RSC1A1: variants seen among roughly 807,000 people sequenced by gnomAD.
RSC1A1 encodes the protein regulatory solute carrier protein family 1 member 1.
A neutral mutation model predicts 7.7 loss-of-function variants in RSC1A1; 6 were observed. The observed-to-expected ratio is 0.78, with a 90% CI of 0.43 to 1.53. The LOEUF is 1.53. Among genes scored for constraint, RSC1A1 ranks in the 40% most tolerant of loss-of-function variants. RSC1A1 has a pLI of 0.01. For missense variants in RSC1A1, 729 were observed against 726.3 expected, an observed-to-expected ratio of 1.00 and a Z score of -0.04; for synonymous variants, 250 against 263.0, an observed-to-expected ratio of 0.95 and a Z score of 0.48.
In RSC1A1 at chr1:15,661,432, A is replaced by G. The variant is rs1006909572; in HGVS notation, c.1564A>G (p.Lys522Glu). ...KSLSSNFILVKDLGQGIQNSV... is the reference protein window; with the variant it reads ...KSLSSNFILVEDLGQGIQNSV... ...TTTGTCATCCAATTTCATATTGGTT[A>G]AAGACTTAGGTCAGGGCATACAGAA... Residue 522 changes from lysine to glutamate, a missense_variant, in exon 1 of 1, where the codon AAA becomes GAA. Lys to Glu is a moderately conservative substitution (Grantham distance 56). Transcript: ENST00000345034. 3 of 1,614,066 alleles carry G rather than the reference A, an allele frequency of 1.9e-6. No homozygotes were observed. The highest frequency in any genetic ancestry group is 2.7e-5 in the African/African-American group (2 of 74,946).
the RSC1A1 span, chr1:15,660,689 ACATTGGTG>A: frequency 6.2e-7 from 1 of 1,614,220 alleles, no homozygotes; most frequent in Non-Finnish European, 8.5e-7. Context: ...AATGTCAAGA[ACATTGGTG>A]CATTGGATCT....
chr1:15,661,466 C>T lies in RSC1A1; in HGVS notation c.1598C>T (p.Thr533Ile). 6.2e-7 allele frequency: 1 copy of T among 1,613,794 alleles called. No homozygotes were observed. Among genetic ancestry groups the T allele is most frequent in the Non-Finnish European group, 8.5e-7 (1 of 1,179,770 alleles). The change falls in exon 1 of 1, where the codon ACA becomes ATA. Residue 533 changes from threonine (T) to isoleucine (I), a missense_variant. Physicochemically the swap from Thr to Ile is moderately conservative, Grantham distance 89. Coordinates refer to ENST00000345034, the MANE Select transcript of RSC1A1 (RefSeq NM_006511.3). ...DLGQGIQNSV[T>I]DRPETRENVC... ...GGTCAGGGCATACAGAATTCAGTAA[C>T]AGACAGGCCTGAAACCAGAGAAAAT...
At position 15,662,016 on chromosome 1, in the gene RSC1A1, A is replaced by T. The variant is rs758975714; in HGVS notation, c.*294A>T. 10 of 269,340 alleles carry T rather than the reference A, an allele frequency of 3.7e-5. No individual in the cohort carries two copies. Among genetic ancestry groups the T allele is most frequent in the Middle Eastern group, 2.3e-3 (2 of 852 alleles). The allele number at this position is 269,340 out of a possible 1,614,324, so 16.7% of individuals were successfully genotyped here. ...TAAGATGTATCCTGGAATAAAATGG[A>T]TGGTTTTGTGTGTAGCATACTGTTT... is the stretch of plus-strand genomic sequence containing the variant. On this transcript the variant is annotated 3_prime_UTR_variant, in exon 1 of 1. Transcript: ENST00000345034.
rs1640368744 is a variant in RSC1A1, at chr1:15,661,203, C to A, written c.1335C>A (p.Asn445Lys). 1 of 1,614,158 alleles carries A rather than the reference C, an allele frequency of 6.2e-7. No homozygotes were observed. Among genetic ancestry groups the A allele is most frequent in the Non-Finnish European group, 8.5e-7 (1 of 1,180,024 alleles). Residue 445 changes from asparagine to lysine, a missense_variant, in exon 1 of 1, where the codon AAC becomes AAA. Physicochemically the swap from Asn to Lys is moderately conservative, Grantham distance 94. Transcript: ENST00000345034. ...GAAGAGAAGCTGTAGAAAATGTAAA[C>A]TTCAGGAGTCTAGGTGATGGCCTGT... Reference protein sequence around the residue: ...DTGREAVENVNFRSLGDGLST... With the variant: ...DTGREAVENVKFRSLGDGLST...
In RSC1A1 at chr1:15,660,163, A is replaced by G; in HGVS notation, c.295A>G (p.Asn99Asp). Reference protein sequence around the residue: ...TDQSPAMPMQNSSEEITVAGN... With the variant: ...TDQSPAMPMQDSSEEITVAGN... Reference sequence around the variant, plus strand: ...CCAGAGTCCAGCTATGCCTATGCAGAATTCATCCGAAGAAATAACTGTTGC... The same window carrying G: ...CCAGAGTCCAGCTATGCCTATGCAGGATTCATCCGAAGAAATAACTGTTGC... The change falls in exon 1 of 1, where the codon AAT becomes GAT. Residue 99 changes from asparagine to aspartate, a missense_variant. Physicochemically the swap from Asn to Asp is conservative, Grantham distance 23. Transcript: ENST00000345034. 6.2e-7 allele frequency: 1 copy of G among 1,614,246 alleles called. No individual in the cohort carries two copies. Among genetic ancestry groups the G allele is most frequent in the Non-Finnish European group, 8.5e-7 (1 of 1,180,042 alleles).
At chr1:15,661,460 C>A in the RSC1A1 span, 1 of 1,613,888 alleles carries the variant, frequency 6.2e-7, no homozygotes, top group Non-Finnish European at 8.5e-7. Context: ...ATACAGAATT[C>A]AGTAACAGAC....
In RSC1A1 at chr1:15,660,734, T is replaced by G; in HGVS notation, c.866T>G (p.Val289Gly). Residue 289 changes from valine (V) to glycine (G), a missense_variant, in exon 1 of 1, where the codon GTA (valine) becomes GGA (glycine). Transcript: ENST00000345034. The part of the protein sequence containing the change: ...DLTLDNPLME[V>G]ETSKCNPSSE... ...ACTTTAGATAATCCCTTGATGGAAG[T>G]AGAAACATCAAAATGTAACCCTTCA... 1 of 1,613,882 alleles carries G rather than the reference T, an allele frequency of 6.2e-7. No individual in the cohort carries two copies. The highest frequency in any genetic ancestry group is 8.5e-7 in the Non-Finnish European group (1 of 1,179,962).
the RSC1A1 span, chr1:15,660,199 G>T: frequency 6.2e-7 from 1 of 1,614,180 alleles, no homozygotes; most frequent in South Asian, 1.1e-5. Context: ...AGGTAATCTG[G>T]AGAAATCTGC....
the RSC1A1 span, chr1:15,660,753 CCCTT>C: frequency 4.5e-5 from 72 of 1,613,616 alleles, no homozygotes; most frequent in South Asian, 7.9e-4. Flanking sequence ...CAAAATGTAA[CCCTT>C]CATCTGAAAT....
chr1:15,661,586 C>A lies in RSC1A1; in HGVS notation c.1718C>A (p.Pro573His). 2 of 1,614,192 alleles carry A rather than the reference C, an allele frequency of 1.2e-6. No homozygotes were observed. Among genetic ancestry groups the A allele is most frequent in the African/African-American group, 2.7e-5 (2 of 75,032 alleles). Residue 573 changes from proline to histidine, a missense_variant, in exon 1 of 1, where the codon CCT becomes CAT. Coordinates refer to ENST00000345034, the MANE Select transcript of RSC1A1 (RefSeq NM_006511.3). ...SPAILPPLIF[P>H]ATDIDRILRA... ...GCCATTCTTCCACCATTGATTTTTCCTGCCACAGATATTGACCGCATTCTC... is the reference window on the plus strand; with the variant it reads ...GCCATTCTTCCACCATTGATTTTTCATGCCACAGATATTGACCGCATTCTC...
chr1:15,660,929 C>T lies in RSC1A1; in HGVS notation c.1061C>T (p.Ala354Val). ...SAEESCPSIT[A>V]ALKELHELLV... ...GAAGAATCTTGCCCGTCTATAACGG[C>T]AGCCTTGAAAGAACTTCATGAACTT... The change falls in exon 1 of 1, where the codon GCA becomes GTA. Residue 354 changes from alanine (A) to valine (V), a missense_variant. By Grantham distance (64) the Ala-to-Val change is moderately conservative. Transcript: ENST00000345034. 1 of 1,613,302 alleles carries T rather than the reference C, an allele frequency of 6.2e-7. No homozygotes were observed.
In RSC1A1 at chr1:15,660,939, A is replaced by G. The variant is rs1557626065; in HGVS notation, c.1071A>G (p.Lys357=). Residue 357 remains lysine (K), a synonymous_variant, in exon 1 of 1, where the codon AAA becomes AAG. Coordinates refer to ENST00000345034, the MANE Select transcript of RSC1A1 (RefSeq NM_006511.3). ...ESCPSITAAL[K]ELHELLVVSS... Reference sequence around the variant, plus strand: ...GCCCGTCTATAACGGCAGCCTTGAAAGAACTTCATGAACTTTTGGTTGTTA... The same window carrying G: ...GCCCGTCTATAACGGCAGCCTTGAAGGAACTTCATGAACTTTTGGTTGTTA... 6 of 1,613,340 alleles carry G rather than the reference A, an allele frequency of 3.7e-6. No homozygotes were observed. Among genetic ancestry groups the G allele is most frequent in the Non-Finnish European group, 4.2e-6 (5 of 1,179,690 alleles).
rs374494090 is a variant in RSC1A1, at chr1:15,660,598, A to T, written c.730A>T (p.Asn244Tyr). The change falls in exon 1 of 1, where the codon AAT (asparagine) becomes TAT (tyrosine). Residue 244 changes from asparagine to tyrosine, a missense_variant. Asn to Tyr is a moderately radical substitution (Grantham distance 143). Transcript: ENST00000345034. The stretch of plus-strand genomic sequence containing the variant: ...ATCTTCAGAATGCAGTGGCTGCTCA[A>T]ATTCAGAAACATTTATGGAAATCGA... ...IPSSECSGCS[N>Y]SETFMEIDTA... 1 of 1,613,984 alleles carries T rather than the reference A, an allele frequency of 6.2e-7. No individual in the cohort carries two copies. Among genetic ancestry groups the T allele is most frequent in the South Asian group, 1.1e-5 (1 of 90,978 alleles).
chr1:15,660,016 C>T lies in RSC1A1; in HGVS notation c.148C>T (p.Pro50Ser). 1 of 1,614,190 alleles carries T rather than the reference C, an allele frequency of 6.2e-7. No individual in the cohort carries two copies. Among genetic ancestry groups the T allele is most frequent in the East Asian group, 2.2e-5 (1 of 44,884 alleles). Residue 50 changes from proline to serine, a missense_variant, in exon 1 of 1, where the codon CCT (proline) becomes TCT (serine). Physicochemically the swap from Pro to Ser is moderately conservative, Grantham distance 74 (BLOSUM62 -1). Transcript: ENST00000345034. ...IKPSDSDRIE[P>S]KAVKALKASA... Reference sequence around the variant, plus strand: ...GCCCAGTGACTCAGATCGCATTGAACCTAAAGCTGTGAAGGCTTTGAAGGC... The same window carrying T: ...GCCCAGTGACTCAGATCGCATTGAATCTAAAGCTGTGAAGGCTTTGAAGGC...
rs750914295 is a variant in RSC1A1, at chr1:15,659,964, T to C, written c.96T>C (p.Ser32=). ...DVGNPMSLAR[S]VSASVCPIKP... ...GTAATCCTATGAGTCTTGCTCGCTC[T>C]GTCTCTGCTTCAGTCTGCCCTATCA... Residue 32 remains serine, a synonymous_variant, in exon 1 of 1, where the codon TCT becomes TCC. Transcript: ENST00000345034. 1.2e-6 allele frequency: 2 copies of C among 1,614,238 alleles called. No individual in the cohort carries two copies. Among genetic ancestry groups the C allele is most frequent in the Non-Finnish European group, 8.5e-7 (1 of 1,180,036 alleles).
chr1:15,659,818 T>G lies in RSC1A1; in HGVS notation c.-51T>G, dbSNP rs761592848. ...CACCTGCTAATTAATCTTTTTCCTT[T>G]CCCCTGTGTTCCATATAGAGAAAAG... is the stretch of plus-strand genomic sequence containing the variant. On this transcript the variant is annotated 5_prime_UTR_variant, in exon 1 of 1. Transcript: ENST00000345034. 6.7e-7 allele frequency: 1 copy of G among 1,490,540 alleles called. No homozygotes were observed. Among genetic ancestry groups the G allele is most frequent in the African/African-American group, 1.4e-5 (1 of 71,434 alleles). The allele number at this position is 1,490,540 out of a possible 1,614,324, so 92.3% of individuals were successfully genotyped here. A position where few individuals can be genotyped will look rare whatever the true frequency, so the allele number is the denominator to read the frequency against.
rs1557626602 is a variant in RSC1A1 at position 15,661,645 on chromosome 1, G to A, written c.1777G>A (p.Ala593Thr). ...CTTTACTTTGCAGGAAGCTCTTGGA[G>A]CTTTGCATCGAGTTGGTGGGAATGC... ...AGFTLQEALGALHRVGGNADL... is the reference protein window; with the variant it reads ...AGFTLQEALGTLHRVGGNADL... The change falls in exon 1 of 1, where the codon GCT becomes ACT. Residue 593 changes from alanine (A) to threonine (T), a missense_variant. By Grantham distance (58) the Ala-to-Thr change is moderately conservative (BLOSUM62 0). Coordinates refer to ENST00000345034, the MANE Select transcript of RSC1A1 (RefSeq NM_006511.3). The A allele has an allele frequency of 6.2e-7, 1 of 1,614,158 alleles. No individual in the cohort carries two copies. Among genetic ancestry groups the A allele is most frequent in the South Asian group, 1.1e-5 (1 of 91,036 alleles).
Position 15,661,074 on chromosome 1 carries a change from T to A in RSC1A1, c.1206T>A (p.Asn402Lys). Reference sequence around the variant, plus strand: ...ACCTTTCTGAAAGATGGACCCAAAATGAGCATCTTACCCAGAATGAACAGT... The same window carrying A: ...ACCTTTCTGAAAGATGGACCCAAAAAGAGCATCTTACCCAGAATGAACAGT... ...IKDLSERWTQ[N>K]EHLTQNEQCP... The change falls in exon 1 of 1, where the codon AAT (asparagine) becomes AAA (lysine). Residue 402 changes from asparagine (N) to lysine (K), a missense_variant. By Grantham distance (94) the Asn-to-Lys change is moderately conservative. Transcript: ENST00000345034. 1.1e-5 allele frequency: 17 copies of A among 1,614,156 alleles called. No homozygotes were observed. Among genetic ancestry groups the A allele is most frequent in the Non-Finnish European group, 1.4e-5 (17 of 1,180,012 alleles).
Position 15,660,571 on chromosome 1 carries a change from C to G in RSC1A1, c.703C>G (p.Pro235Ala). 1 of 1,613,566 alleles carries G rather than the reference C, an allele frequency of 6.2e-7. No homozygotes were observed. The highest frequency in any genetic ancestry group is 8.5e-7 in the Non-Finnish European group (1 of 1,179,820). Residue 235 changes from proline (P) to alanine (A), a missense_variant, in exon 1 of 1, where the codon CCA (proline) becomes GCA (alanine). Pro to Ala is a conservative substitution (Grantham distance 27). Coordinates refer to ENST00000345034, the MANE Select transcript of RSC1A1 (RefSeq NM_006511.3). ...VDPPSAKKSI[P>A]SSECSGCSNS... ...TCCTCCAAGTGCGAAGAAAAGTATT[C>G]CATCTTCAGAATGCAGTGGCTGCTC...
Sources: gnomAD v4.1 joint callset for allele counts on GRCh38, gnomAD v4.1.1 for gene constraint, MANE v1.5 for transcripts, NCBI Gene and HGNC (gene_info 2026-07-23, HGNC 2026-07-21) for gene names.